GOLGA1: variants seen among roughly 807,000 people sequenced by gnomAD.
The protein encoded by GOLGA1 is golgin A1.
In GOLGA1, 63 loss-of-function variants were observed where a neutral mutation model predicts 119.7. The ratio of observed to expected loss-of-function variants is 0.53; its 90% CI spans 0.43 to 0.65. The LOEUF (loss-of-function observed/expected upper bound fraction) is 0.65. Among genes scored for constraint, GOLGA1 ranks in the 30% least tolerant of loss-of-function variants. GOLGA1 has a pLI of 0.00. For synonymous variants in GOLGA1, 318 were observed against 333.4 expected, an observed-to-expected ratio of 0.95 and a Z score of 0.50; for missense variants, 798 against 912.8, an observed-to-expected ratio of 0.87 and a Z score of 1.62.
At chr9:124,886,907 C>T (rs754260701) in intron 19 of GOLGA1, among the ~76,000 whole-genome samples, 3 of 151,788 alleles carry the variant, frequency 2.0e-5, no homozygotes, top group African/African-American at 4.8e-5. Flanking sequence ...GGTGGGGTTG[C>T]GGGGAACACT....
chr9:124,923,579 T>A (rs1385860807), intron 7 of GOLGA1, among the ~76,000 whole-genome samples: 1 of 152,190 alleles, frequency 6.6e-6, no homozygotes, highest in Non-Finnish European at 1.5e-5. Flanking sequence ...ACTAGAGAAT[T>A]TAATTCTTTA....
intron 15 of GOLGA1, among the ~76,000 whole-genome samples, chr9:124,893,136 A>G (rs1829896106): frequency 6.6e-6 from 1 of 152,128 alleles, no homozygotes; most frequent in African/African-American, 2.4e-5. Flanking sequence ...AGTAGCTGGG[A>G]CTACAGGTGT....
At chr9:124,938,899 T>G (rs773636745) in intron 2 of GOLGA1, 33 bp from the exon 3 acceptor site, 1 of 486,600 alleles carries the variant, frequency 2.1e-6, no homozygotes, top group Non-Finnish European at 3.6e-6. Flanking sequence ...AGTTCAAAAG[T>G]TAAACATTGG....
upstream of GOLGA1, chr9:124,942,850 C>T (rs892456206): frequency 2.0e-5 from 3 of 152,180 alleles, no homozygotes; most frequent in Non-Finnish European, 4.4e-5. Context: ...GAAGTGCCCT[C>T]AAGGTGGTAG....
intron 6 of GOLGA1, among the ~76,000 whole-genome samples, chr9:124,927,227 A>G (rs1425178196): frequency 6.6e-6 from 1 of 152,206 alleles, no homozygotes; most frequent in African/African-American, 2.4e-5. Flanking sequence ...TTTTACCAAC[A>G]TGCTTTATGC....
intron 5 of GOLGA1, among the ~76,000 whole-genome samples, chr9:124,928,668 A>G (rs1325177575): frequency 2.0e-5 from 3 of 152,242 alleles, no homozygotes; most frequent in Non-Finnish European, 4.4e-5. Context: ...AAGAAAAATC[A>G]AAACAAACAA....
intron 1 of GOLGA1, chr9:124,947,876 T>C (rs1212038844): frequency 6.6e-6 from 1 of 152,156 alleles, no homozygotes; most frequent in East Asian, 1.9e-4. Context: ...GGGGAGGTGG[T>C]TTTGAATCAC....
chr9:124,927,812 A>C (rs916710559), intron 6 of GOLGA1, among the ~76,000 whole-genome samples: 4 of 152,198 alleles, frequency 2.6e-5, no homozygotes, highest in Non-Finnish European at 5.9e-5. Flanking sequence ...ATTATGACTA[A>C]GTTAATAACA....
intron 15 of GOLGA1, among the ~76,000 whole-genome samples, chr9:124,891,476 G>T (rs536972025): frequency 6.0e-4 from 92 of 152,376 alleles, no homozygotes; most frequent in Middle Eastern, 3.4e-3. Context: ...TACCATCGTA[G>T]TGGAAGACTG....
At chr9:124,894,461 G>A (rs917233433) in intron 15 of GOLGA1, among the ~76,000 whole-genome samples, 1 of 151,510 alleles carries the variant, frequency 6.6e-6, no homozygotes, top group African/African-American at 2.4e-5. Context: ...GCAGTGGTAC[G>A]ATCTTGCACA....
At chr9:124,914,757 G>T (rs1321902700) in intron 10 of GOLGA1, among the ~76,000 whole-genome samples, 1 of 152,188 alleles carries the variant, frequency 6.6e-6, no homozygotes, top group African/African-American at 2.4e-5. Flanking sequence ...GATAGATGAA[G>T]AATTTAAATC....
chr9:124,883,986 A>G (rs1444843952), intron 19 of GOLGA1, among the ~76,000 whole-genome samples: 1 of 152,172 alleles, frequency 6.6e-6, no homozygotes, highest in East Asian at 1.9e-4. Context: ...CATTTTCTCA[A>G]CTAAAAACTT....
chr9:124,918,160 A>G (rs567838022), intron 10 of GOLGA1, among the ~76,000 whole-genome samples: 5 of 152,036 alleles, frequency 3.3e-5, no homozygotes, highest in East Asian at 3.9e-4. Context: ...CCCTGATCTG[A>G]TATCTTTTAA....
intron 7 of GOLGA1, among the ~76,000 whole-genome samples, chr9:124,925,209 C>T (rs1830650973): frequency 6.6e-6 from 1 of 151,936 alleles, no homozygotes; most frequent in African/African-American, 2.4e-5. Context: ...TATATGGATA[C>T]CCTTTACCAA....
intron 14 of GOLGA1, 67 bp downstream of exon 14, chr9:124,899,262 C>A: frequency 7.0e-7 from 1 of 1,434,240 alleles, no homozygotes; most frequent in Non-Finnish European, 9.4e-7. Context: ...CTGTCAAGCA[C>A]GAGGCTGACT....
intron 11 of GOLGA1, among the ~76,000 whole-genome samples, chr9:124,909,992 G>A (rs1830310468): frequency 6.6e-6 from 1 of 152,084 alleles, no homozygotes; most frequent in African/African-American, 2.4e-5. Context: ...CAGGAGTGCA[G>A]TGGCATGATC....
chr9:124,921,935 A>C, intron 8 of GOLGA1, 43 bp from the exon 9 acceptor site: 1 of 1,528,406 alleles, frequency 6.5e-7, no homozygotes, highest in Non-Finnish European at 9.0e-7. Context: ...TGCTAAGAAA[A>C]ATACACTTAA....
chr9:124,942,434 G>C (rs760875339), upstream of GOLGA1, among the ~76,000 whole-genome samples: 14 of 152,010 alleles, frequency 9.2e-5, no homozygotes, highest in Non-Finnish European at 1.9e-4. Flanking sequence ...CCCTTCCCTC[G>C]CGTGTTCCAG....
intron 10 of GOLGA1, among the ~76,000 whole-genome samples, chr9:124,913,271 C>T (rs750648838): frequency 5.3e-5 from 8 of 152,260 alleles, no homozygotes; most frequent in African/African-American, 2.4e-5. Context: ...AGATGAGACA[C>T]GGAGCCTAAC....
Sources: gnomAD v4.1 joint callset for allele counts (sites outside exome capture counted in the v4.1 genomes callset) on GRCh38, gnomAD v4.1.1 for gene constraint, MANE v1.5 for transcripts, NCBI Gene and HGNC (gene_info 2026-07-23, HGNC 2026-07-21) for gene names.